HYOU1: variants seen among roughly 807,000 people sequenced by gnomAD.
HYOU1 encodes hypoxia up-regulated 1, also known as hypoxia up-regulated protein 1.
A neutral mutation model predicts 120.5 loss-of-function variants in HYOU1; 40 were observed. The ratio of observed to expected loss-of-function variants is 0.33; its 90% CI spans 0.26 to 0.43. HYOU1 has a LOEUF of 0.43. Among genes scored for constraint, HYOU1 ranks in the 20% least tolerant of loss-of-function variants. The pLI, the probability that HYOU1 is intolerant of heterozygous loss-of-function variation, is 1.00. For synonymous variants in HYOU1, 501 were observed against 479.4 expected (o/e 1.05, Z -0.59); for missense variants, 1,085 against 1,278.3 (o/e 0.85, Z 2.31).
In HYOU1 at chr11:119,054,478, G is replaced by C; in HGVS notation, c.678+16C>G. On this transcript the variant is annotated intron_variant, in intron 7 of 25. Coordinates refer to ENST00000617285, the MANE Select transcript of HYOU1 (RefSeq NM_006389.5). ...TCAGTCACCCTGCATGTCTGGTCAA[G>C]GCTCCCCTGGCTCACCTGGGCAGTG... 1.9e-6 allele frequency: 3 copies of C among 1,613,222 alleles called. No homozygotes were observed. The highest frequency in any genetic ancestry group is 2.5e-6 in the Non-Finnish European group (3 of 1,179,268).
chr11:119,045,139 G>C lies in HYOU1; in HGVS notation c.*454C>G, dbSNP rs138323305. The C allele has an allele frequency of 1.6e-3, 723 of 456,988 alleles. 6 individuals carry two copies. Among genetic ancestry groups the C allele is most frequent in the African/African-American group, 0.013 (641 of 50,240 alleles). 28.3% of individuals were successfully genotyped at this position (456,988 alleles called of 1,614,324 possible). ...TCAGAAACCAAACCTGGTAACTGAG[G>C]CTCTGCAGACACTGGCCTGAAAGGA... On this transcript the variant is annotated 3_prime_UTR_variant, in exon 26 of 26. Transcript: ENST00000617285.
At position 119,055,397 on chromosome 11, in the gene HYOU1, C is replaced by T. The variant is rs1944694427; in HGVS notation, c.265-58G>A. 1.9e-6 allele frequency: 3 copies of T among 1,607,376 alleles called. No homozygotes were observed. Among genetic ancestry groups the T allele is most frequent in the Non-Finnish European group, 2.6e-6 (3 of 1,174,700 alleles). On this transcript the variant is annotated intron_variant, in intron 4 of 25. Coordinates refer to ENST00000617285, the MANE Select transcript of HYOU1 (RefSeq NM_006389.5). This position sits in a 1 kb window ranked among gnomAD's most constrained non-coding sequence, Gnocchi z 4.0. ...GGCTCCCAAGTCCACCATTACCTAC[C>T]TCTTACATCACAGAGACTGATAAGG...
In HYOU1 at chr11:119,056,095, G is replaced by C. The variant is rs1213327386; in HGVS notation, c.66C>G (p.Leu22=). The stretch of plus-strand genomic sequence containing the variant: ...CACTCAGTGCCAACAGGTCTGCCAA[G>C]AGCACAGCCACCAAGGCCCAACAGA... ...RRVCWALVAV[L]LADLLALSDT... The change falls in exon 2 of 26, where the codon CTC becomes CTG. Residue 22 remains leucine, a synonymous_variant. Transcript: ENST00000617285. 5 of 1,614,080 alleles carry C rather than the reference G, an allele frequency of 3.1e-6. No individual in the cohort carries two copies. In the East Asian group the frequency reaches 1.1e-4, roughly 36 times the overall value.
chr11:119,052,971 C>T lies in HYOU1; in HGVS notation c.795-142G>A, dbSNP rs1444613625. ...CTCCAGTGCCCCATGTGTGGACACACACTCTGCCCTCAACTCTCTACAGCA... is the reference window on the plus strand; with the variant it reads ...CTCCAGTGCCCCATGTGTGGACACATACTCTGCCCTCAACTCTCTACAGCA... On this transcript the variant is annotated intron_variant, in intron 8 of 25. Transcript: ENST00000617285. The surrounding 1 kb of genome is among the most constrained non-coding windows in gnomAD (Gnocchi z 5.0). 2.7e-6 allele frequency: 2 copies of T among 727,758 alleles called. No homozygotes were observed. Among genetic ancestry groups the T allele is most frequent in the South Asian group, 1.9e-5 (1 of 53,076 alleles). 45.1% of individuals were successfully genotyped at this position (727,758 alleles called of 1,614,324 possible). A position where few individuals can be genotyped will look rare whatever the true frequency, so the allele number is the denominator to read the frequency against.
In HYOU1 at chr11:119,055,359, C is replaced by T. The variant is rs2133612889; in HGVS notation, c.265-20G>A. The T allele has an allele frequency of 1.2e-6, 2 of 1,611,232 alleles. No homozygotes were observed. Among genetic ancestry groups the T allele is most frequent in the Admixed American group, 3.3e-5 (2 of 59,864 alleles). On this transcript the variant is annotated intron_variant, in intron 4 of 25. Coordinates refer to ENST00000617285, the MANE Select transcript of HYOU1 (RefSeq NM_006389.5). This position sits in a 1 kb window ranked among gnomAD's most constrained non-coding sequence, Gnocchi z 4.0. ...AATCGCCTGAGGGGTGAAGAAGGAG[C>T]AGACTAGTATTAGGCTCCCAAGTCC...
Position 119,056,745 on chromosome 11 carries a change from G to A in HYOU1, c.-8+275C>T, listed in dbSNP as rs1944796922. ...CGCTGTGCCCACAGACGCAGTGCCAGGGGCGGTAAGGTTCCCCGCCCGGCG... is the reference window on the plus strand; with the variant it reads ...CGCTGTGCCCACAGACGCAGTGCCAAGGGCGGTAAGGTTCCCCGCCCGGCG... On this transcript the variant is annotated intron_variant, in intron 1 of 25. Coordinates refer to ENST00000617285, the MANE Select transcript of HYOU1 (RefSeq NM_006389.5). 1.7e-5 allele frequency: 4 copies of A among 230,718 alleles called. 1 individual carries two copies. In the South Asian group the frequency reaches 2.1e-4, roughly 12 times the overall value. The allele number at this position is 230,718 out of a possible 1,614,324, so 14.3% of individuals were successfully genotyped here.
intron 16 of HYOU1, 157 bp downstream of exon 16, chr11:119,049,399 C>A (rs2133572806): frequency 1.9e-6 from 3 of 1,567,098 alleles, no homozygotes; most frequent in East Asian, 2.3e-5. Context: ...GCCTTGGGAG[C>A]ACCAGTCAAG....
Position 119,045,601 on chromosome 11 carries a change from C to T in HYOU1, c.2992G>A (p.Glu998Lys). Residue 998 changes from glutamate to lysine, a missense_variant, in exon 26 of 26, where the codon GAA (glutamate) becomes AAA (lysine). This residue lies in a region of HYOU1 where 516 missense variants were observed against 517.1 expected (regional missense o/e 1.00). Coordinates refer to ENST00000617285, the MANE Select transcript of HYOU1 (RefSeq NM_006389.5). The stretch of plus-strand genomic sequence containing the variant: ...GAAAACAGAGGTGGGGGTTATAGTT[C>T]GTCGTTCTTCAAAGGCCGCTTCTGT... ...TGQKRPLKND[E>K]L 2.5e-6 allele frequency: 4 copies of T among 1,613,974 alleles called. No homozygotes were observed. The highest frequency in any genetic ancestry group is 3.4e-6 in the Non-Finnish European group (4 of 1,179,884).
chr11:119,046,825 C>A (rs2133553640), intron 22 of HYOU1, 23 bp from the exon 23 acceptor site: 3 of 1,596,806 alleles, frequency 1.9e-6, no homozygotes, highest in Non-Finnish European at 1.7e-6. Context: ...CCAGGAGAGG[C>A]TCCAAGCTAG....
Position 119,055,137 on chromosome 11 carries a change from G to A in HYOU1, c.419+48C>T, listed in dbSNP as rs373627611. On this transcript the variant is annotated intron_variant, in intron 5 of 25. Coordinates refer to ENST00000617285, the MANE Select transcript of HYOU1 (RefSeq NM_006389.5). The surrounding 1 kb of genome is among the most constrained non-coding windows in gnomAD (Gnocchi z 4.0). ...GACAATCAGGAACACACACCAATGAGGAGCCCAGCAGCGTTGCCGAGACCA... is the reference window on the plus strand; with the variant it reads ...GACAATCAGGAACACACACCAATGAAGAGCCCAGCAGCGTTGCCGAGACCA... 2.5e-6 allele frequency: 4 copies of A among 1,612,836 alleles called. No homozygotes were observed. Among genetic ancestry groups the A allele is most frequent in the Non-Finnish European group, 2.5e-6 (3 of 1,179,134 alleles).
At position 119,055,454 on chromosome 11, in the gene HYOU1, C is replaced by T; in HGVS notation, c.264+39G>A. Reference sequence around the variant, plus strand: ...ACTCTGGGGGCTGCCATCTCCTCTCCTCTGCCCACCACTCTGGGAAGAGGG... The same window carrying T: ...ACTCTGGGGGCTGCCATCTCCTCTCTTCTGCCCACCACTCTGGGAAGAGGG... On this transcript the variant is annotated intron_variant, in intron 4 of 25. Coordinates refer to ENST00000617285, the MANE Select transcript of HYOU1 (RefSeq NM_006389.5). The surrounding 1 kb of genome is among the most constrained non-coding windows in gnomAD (Gnocchi z 4.0). 1 of 1,608,574 alleles carries T rather than the reference C, an allele frequency of 6.2e-7. No individual in the cohort carries two copies. Among genetic ancestry groups the T allele is most frequent in the Non-Finnish European group, 8.5e-7 (1 of 1,175,098 alleles).
intron 22 of HYOU1, chr11:119,047,115 C>T (rs912833852): frequency 1.5e-5 from 4 of 259,606 alleles, no homozygotes; most frequent in South Asian, 6.5e-5. Context: ...AGTGCAGTGG[C>T]GCGATCTCGA....
At position 119,044,924 on chromosome 11, in the gene HYOU1, C is replaced by T. The variant is rs1226628599; in HGVS notation, c.*669G>A. On this transcript the variant is annotated 3_prime_UTR_variant, in exon 26 of 26. Transcript: ENST00000617285. ...CTCTGGCCACTAGGGGTGGGAAATA[C>T]GAGTGAGAATCCTTCCAGATTTACT... The T allele has an allele frequency of 1.2e-5, 4 of 326,184 alleles. No homozygotes were observed. The highest frequency in any genetic ancestry group is 7.0e-5 in the Admixed American group (2 of 28,646). The allele number at this position is 326,184 out of a possible 1,614,324, so 20.2% of individuals were successfully genotyped here.
chr11:119,047,456 C>G (rs1388882113), intron 22 of HYOU1: 1 of 406,298 alleles, frequency 2.5e-6, no homozygotes, highest in African/African-American at 2.0e-5. Flanking sequence ...TAGCCAAACC[C>G]TGGCCCATGT....
chr11:119,045,706 C>T, intron 25 of HYOU1, 52 bp from the exon 26 acceptor site: 1 of 1,613,424 alleles, frequency 6.2e-7, no homozygotes, highest in Non-Finnish European at 8.5e-7. Flanking sequence ...AACAGAGGAA[C>T]CAACCCCAGT....
Position 119,048,857 on chromosome 11 carries a change from A to T in HYOU1, c.2022T>A (p.Pro674=). The T allele has an allele frequency of 6.2e-7, 1 of 1,610,004 alleles. No homozygotes were observed. Among genetic ancestry groups the T allele is most frequent in the Non-Finnish European group, 8.5e-7 (1 of 1,178,470 alleles). ...CCTCTGGGGCTGGAGCGACGCCCTC[A>T]GGCCCTGCCTCTGCCTTCTCACTTG... ...QKPSEKAEAG[P]EGVAPAPEGE... is the part of the protein sequence containing the mutation. The change falls in exon 18 of 26, where the codon CCT becomes CCA. Residue 674 remains proline, a synonymous_variant. Coordinates refer to ENST00000617285, the MANE Select transcript of HYOU1 (RefSeq NM_006389.5). This position sits in a 1 kb window ranked among gnomAD's most constrained non-coding sequence, Gnocchi z 4.7.
rs2133596252 is a variant in HYOU1 at position 119,052,850 on chromosome 11, G to A, written c.795-21C>T. 1 of 1,597,830 alleles carries A rather than the reference G, an allele frequency of 6.3e-7. No individual in the cohort carries two copies. Among genetic ancestry groups the A allele is most frequent in the East Asian group, 2.2e-5 (1 of 44,694 alleles). On this transcript the variant is annotated intron_variant, in intron 8 of 25. Transcript: ENST00000617285. The surrounding 1 kb of genome is among the most constrained non-coding windows in gnomAD (Gnocchi z 5.0). ...CAAATCTGTTGAGAAAAGGGAGCAG[G>A]GAAAAAAGTGAAGAACACATGGAGT...
In HYOU1 at chr11:119,048,992, A is replaced by T. The variant is rs2133568804; in HGVS notation, c.1992+26T>A. The T allele has an allele frequency of 6.2e-7, 1 of 1,612,746 alleles. No individual in the cohort carries two copies. Among genetic ancestry groups the T allele is most frequent in the Non-Finnish European group, 8.5e-7 (1 of 1,178,912 alleles). On this transcript the variant is annotated intron_variant, in intron 17 of 25. Transcript: ENST00000617285. The surrounding 1 kb of genome is among the most constrained non-coding windows in gnomAD (Gnocchi z 4.7). ...CTGCTCCCTTAGCCTCTGGATCCAC[A>T]CTGGCCTTCCTCTGCCACAGCTCAC...
Position 119,048,558 on chromosome 11 carries a change from T to C in HYOU1, c.2171A>G (p.Gln724Arg), listed in dbSNP as rs2133565392. ...DKLAQSVQKL[Q>R]DLTLRDLEKQ... ...CTCCAGGTCTCGGAGTGTCAAGTCC[T>C]GAAGTCTATGGGACAAAGGAGGGGT... Residue 724 changes from glutamine (Q) to arginine (R), a missense_variant, in exon 19 of 26, where the codon CAG (glutamine) becomes CGG (arginine). Gln to Arg is a conservative substitution (Grantham distance 43, BLOSUM62 1). Coordinates refer to ENST00000617285, the MANE Select transcript of HYOU1 (RefSeq NM_006389.5). The surrounding 1 kb of genome is among the most constrained non-coding windows in gnomAD (Gnocchi z 4.7). The C allele has an allele frequency of 6.2e-7, 1 of 1,613,930 alleles. No individual in the cohort carries two copies. Among genetic ancestry groups the C allele is most frequent in the Non-Finnish European group, 8.5e-7 (1 of 1,179,952 alleles).
Sources: allele counts gnomAD v4.1 joint callset, GRCh38; gene constraint gnomAD v4.1.1; regional missense constraint gnomAD v4.1.1; non-coding constraint Gnocchi (gnomAD v3.1); transcripts MANE v1.5; gene names NCBI Gene and HGNC (gene_info 2026-07-23, HGNC 2026-07-21).